SLC8A3: variants seen among roughly 807,000 people sequenced by gnomAD.
The protein encoded by SLC8A3 is sodium/calcium exchanger 3.
In SLC8A3, 37 loss-of-function variants were observed where a neutral mutation model predicts 65.4. The observed-to-expected ratio is 0.57, with a 90% CI of 0.44 to 0.74. The LOEUF is 0.74. Among genes scored for constraint, SLC8A3 ranks in the 30% least tolerant of loss-of-function variants. The pLI is 0.00. For synonymous variants in SLC8A3, 461 were observed against 444.5 expected (o/e 1.04, Z -0.47); for missense variants, 1,112 against 1,172.1 (o/e 0.95, Z 0.75).
chr14:70,122,095 C>A (rs1894106473), intron 2 of SLC8A3, among the ~76,000 whole-genome samples: 1 of 152,110 alleles, frequency 6.6e-6, no homozygotes, highest in East Asian at 1.9e-4. Flanking sequence ...TGACTGGACA[C>A]CCCTGTGTGA....
chr14:70,159,051 T>TTG (rs1389053973), intron 2 of SLC8A3, among the ~76,000 whole-genome samples: 1 of 152,258 alleles, frequency 6.6e-6, no homozygotes. Flanking sequence ...ACTGGCTCTA[T>TTG]GCCAGGTCTT....
intron 2 of SLC8A3, among the ~76,000 whole-genome samples, chr14:70,129,910 G>T (rs1208224882): frequency 2.0e-5 from 3 of 152,232 alleles, no homozygotes; most frequent in Non-Finnish European, 4.4e-5. Flanking sequence ...CTACGTACCT[G>T]CCAGGGCAGT....
chr14:70,124,998 C>T (rs929372704), intron 2 of SLC8A3, among the ~76,000 whole-genome samples: 16 of 152,108 alleles, frequency 1.1e-4, no homozygotes, highest in African/African-American at 3.9e-4. Flanking sequence ...TCTTTTTCCC[C>T]AGTCTAATTT....
At position 70,188,419 on chromosome 14, in the gene SLC8A3, G is replaced by C. The variant is rs1268767927; in HGVS notation, c.-103C>G. 2 of 152,136 alleles carry C rather than the reference G, an allele frequency of 1.3e-5. No homozygotes were observed. The highest frequency in any genetic ancestry group is 2.9e-5 in the Non-Finnish European group (2 of 68,036). 9.4% of individuals were successfully genotyped at this position (152,136 alleles called of 1,614,324 possible). Reference sequence around the variant, plus strand: ...TCCCGAGCGGAGTGGGCAAGGGAGGGGGGTGAGGAAGGTACGCGATGCCCC... The same window carrying C: ...TCCCGAGCGGAGTGGGCAAGGGAGGCGGGTGAGGAAGGTACGCGATGCCCC... On this transcript the variant is annotated 5_prime_UTR_variant, in exon 1 of 7. Transcript: ENST00000356921.
At chr14:70,184,377 G>T (rs1273886581) in intron 1 of SLC8A3, among the ~76,000 whole-genome samples, 3 of 152,146 alleles carry the variant, frequency 2.0e-5, no homozygotes, top group Non-Finnish European at 2.9e-5. Flanking sequence ...GCCCTTTAAG[G>T]TTTGACCCTA....
intron 2 of SLC8A3, among the ~76,000 whole-genome samples, chr14:70,127,090 T>C (rs1894510648): frequency 6.6e-6 from 1 of 151,516 alleles, no homozygotes; most frequent in Non-Finnish European, 1.5e-5. Context: ...GTTCATCATG[T>C]CTGCCTTCTA....
At chr14:70,170,044 T>TC (rs1897416726) in intron 1 of SLC8A3, among the ~76,000 whole-genome samples, 1 of 152,118 alleles carries the variant, frequency 6.6e-6, no homozygotes, top group African/African-American at 2.4e-5. Flanking sequence ...AGCTCACCAC[T>TC]CCAACTCTCA....
At chr14:70,093,278 C>A (rs755351447) in intron 2 of SLC8A3, among the ~76,000 whole-genome samples, 5 of 152,138 alleles carry the variant, frequency 3.3e-5, no homozygotes, top group African/African-American at 1.2e-4. Context: ...ATGAGAGAGA[C>A]CATAGCATGC....
Position 70,048,766 on chromosome 14 carries a change from C to T in SLC8A3, c.2389+1G>A. 3.7e-6 allele frequency: 6 copies of T among 1,613,504 alleles called. No individual in the cohort carries two copies. Among genetic ancestry groups the T allele is most frequent in the Non-Finnish European group, 5.1e-6 (6 of 1,179,784 alleles). On this transcript the variant is annotated splice_donor_variant, in intron 6 of 6. Coordinates refer to ENST00000356921, the MANE Select transcript of SLC8A3 (RefSeq NM_182932.3). LOFTEE classifies it high-confidence loss of function. The stretch of plus-strand genomic sequence containing the variant: ...CAAATTCAAGCACCTCTCACTCTCA[C>T]CTGGGACAGAGGTGCCAAATGCCAC...
At chr14:70,162,330 T>C (rs1363534505) in intron 2 of SLC8A3, among the ~76,000 whole-genome samples, 3 of 152,200 alleles carry the variant, frequency 2.0e-5, no homozygotes, top group Non-Finnish European at 2.9e-5. Context: ...ACTCTAACTT[T>C]CTATCATAGC....
intron 2 of SLC8A3, among the ~76,000 whole-genome samples, chr14:70,137,869 A>G (rs1895309835): frequency 6.9e-6 from 1 of 144,350 alleles, no homozygotes; most frequent in Non-Finnish European, 1.5e-5. Context: ...ACTTCAATTC[A>G]CCTCCTTAGG....
intron 2 of SLC8A3, among the ~76,000 whole-genome samples, chr14:70,073,750 G>GTATTGTA (rs1890221325): frequency 6.6e-6 from 1 of 152,172 alleles, no homozygotes; most frequent in South Asian, 2.1e-4. Flanking sequence ...AGAGAAGTTT[G>GTATTGTA]TATTGTATAC....
intron 2 of SLC8A3, among the ~76,000 whole-genome samples, chr14:70,144,458 C>T (rs1190946229): frequency 6.6e-6 from 1 of 151,436 alleles, no homozygotes; most frequent in Non-Finnish European, 1.5e-5. Context: ...GGCAAAACCC[C>T]ATCTCTACTA....
At chr14:70,151,176 C>A (rs548668339) in intron 2 of SLC8A3, among the ~76,000 whole-genome samples, 2 of 151,916 alleles carry the variant, frequency 1.3e-5, no homozygotes, top group South Asian at 4.2e-4. Context: ...CTTGCTTGAA[C>A]CTGGGAGGCA....
intron 2 of SLC8A3, among the ~76,000 whole-genome samples, chr14:70,104,809 A>C (rs986165804): frequency 1.7e-4 from 26 of 152,230 alleles, no homozygotes; most frequent in African/African-American, 6.3e-4. Flanking sequence ...CAGTGCTTAA[A>C]GGGAAATGTG....
At chr14:70,169,480 T>A (rs573559734) in intron 1 of SLC8A3, among the ~76,000 whole-genome samples, 2 of 152,292 alleles carry the variant, frequency 1.3e-5, no homozygotes, top group South Asian at 4.1e-4. Context: ...TGCAAATGTC[T>A]CTCAAATAAG....
chr14:70,048,666 G>A (rs1319521223), intron 6 of SLC8A3, 101 bp downstream of exon 6: 3 of 1,049,474 alleles, frequency 2.9e-6, no homozygotes, highest in Non-Finnish European at 4.3e-6. Context: ...GCTCTGTTAA[G>A]TTCAGATCTG....
chr14:70,149,336 C>A (rs900323677), intron 2 of SLC8A3, among the ~76,000 whole-genome samples: 6 of 152,108 alleles, frequency 3.9e-5, no homozygotes, highest in African/African-American at 1.2e-4. Flanking sequence ...TCTGGGGATG[C>A]GTGGGGAGAG....
intron 2 of SLC8A3, among the ~76,000 whole-genome samples, chr14:70,161,651 G>A (rs187052712): frequency 2.0e-5 from 3 of 152,104 alleles, no homozygotes; most frequent in East Asian, 3.9e-4. Context: ...TGAGCTTGCA[G>A]TCTTGTGACT....
Sources: allele counts gnomAD v4.1 joint callset (sites outside exome capture counted in the v4.1 genomes callset), GRCh38; gene constraint gnomAD v4.1.1; transcripts MANE v1.5; gene names NCBI Gene and HGNC (gene_info 2026-07-23, HGNC 2026-07-21).